SNX8: variants seen among roughly 807,000 people sequenced by gnomAD.
SNX8 encodes the protein sorting nexin-8.
Under a neutral mutation model 51.6 loss-of-function variants are expected in SNX8, and 25 were observed. That is an observed-to-expected ratio of 0.48 (90% CI 0.35 to 0.68). SNX8 has a LOEUF of 0.68. Among genes scored for constraint, SNX8 ranks in the 30% least tolerant of loss-of-function variants. The probability of loss-of-function intolerance (pLI) is 0.00; values close to 1 mark genes in which losing one functional copy is unlikely to be tolerated. For missense variants in SNX8, 695 were observed against 624.0 expected (o/e 1.11, Z -1.21); for synonymous variants, 324 against 277.0 (o/e 1.17, Z -1.68).
intron 1 of SNX8, among the ~76,000 whole-genome samples, chr7:2,328,901 T>C (rs544267360): frequency 1.2e-4 from 18 of 152,046 alleles, no homozygotes; most frequent in Admixed American, 5.2e-4. Flanking sequence ...CTGGCTAACA[T>C]GGTGAAACCC....
chr7:2,344,780 C>G lies in SNX8; in HGVS notation c.-66+9442G>C, dbSNP rs554447389. Among the ~76,000 whole-genome samples the G allele has an allele frequency of 7.2e-4, 109 of 151,184 alleles. 1 individual carries two copies. The highest frequency in any genetic ancestry group is 2.5e-3 in the African/African-American group (103 of 41,240). ...TACCAACAACACGAAAATTAGCCAG[C>G]TGGGCACGGCGGCTCACGCCTGTAA... is the stretch of plus-strand genomic sequence containing the variant. On this transcript the variant is annotated intron_variant, in intron 1 of 5. Transcript: ENST00000435336.
intron 1 of SNX8, among the ~76,000 whole-genome samples, chr7:2,348,209 T>A (rs1409423448): frequency 1.3e-5 from 2 of 152,134 alleles, no homozygotes; most frequent in Non-Finnish European, 2.9e-5. Flanking sequence ...CCAACTCGAA[T>A]TCTGTCCACA....
At position 2,350,791 on chromosome 7, in the gene SNX8, C is replaced by T. The variant is rs562912608; in HGVS notation, c.-66+3431G>A. Among the ~76,000 whole-genome samples the T allele has an allele frequency of 3.3e-4, 50 of 152,002 alleles. No homozygotes were observed. In the South Asian group the frequency reaches 8.3e-3, roughly 25 times the overall value. Reference sequence around the variant, plus strand: ...CCTCCTGAGTAGCTGGGATTACAGGCGCCTGCGGCCACACCCGGCTAAATT... The same window carrying T: ...CCTCCTGAGTAGCTGGGATTACAGGTGCCTGCGGCCACACCCGGCTAAATT... On this transcript the variant is annotated intron_variant, in intron 1 of 5. Coordinates refer to the SNX8 transcript ENST00000435336.
chr7:2,268,528 C>T (rs922791915), intron 5 of SNX8, among the ~76,000 whole-genome samples: 1,757 of 128,786 alleles, frequency 0.014, no homozygotes, highest in East Asian at 0.049. Flanking sequence ...CCCGGCCAGC[C>T]GTGCCATCCG....
chr7:2,303,954 A>G (rs1796478621), intron 1 of SNX8, among the ~76,000 whole-genome samples: 1 of 151,528 alleles, frequency 6.6e-6, no homozygotes, highest in African/African-American at 2.4e-5. Context: ...TCAATTAAAA[A>G]AATAATAATA....
chr7:2,324,907 GAGA>G (rs1778597496), intron 1 of SNX8, among the ~76,000 whole-genome samples: 1 of 152,192 alleles, frequency 6.6e-6, no homozygotes, highest in African/African-American at 2.4e-5. Context: ...CTGGGTACAA[GAGA>G]TCCTCCTTCC....
rs113204832 is a variant in SNX8 at position 2,263,483 on chromosome 7, C to T, written c.783-121G>A. 1,006 of 981,658 alleles carry T rather than the reference C, an allele frequency of 1.0e-3. 6 individuals carry two copies. In the African/African-American group the frequency reaches 0.013, roughly 13 times the overall value. 60.8% of individuals were successfully genotyped at this position (981,658 alleles called of 1,614,324 possible). A position where few individuals can be genotyped will look rare whatever the true frequency, so the allele number is the denominator to read the frequency against. ...CAACCTGCGTGACCCCGTCCTAGGA[C>T]CCTGCTGCTCAAAGAGTGGCCTGTG... On this transcript the variant is annotated intron_variant, in intron 6 of 10. Transcript: ENST00000222990.
intron 1 of SNX8, among the ~76,000 whole-genome samples, chr7:2,284,396 C>CTTTTTTTTTTTTT (rs751803296): frequency 2.2e-5 from 2 of 88,906 alleles, no homozygotes; most frequent in Non-Finnish European, 4.1e-5. Context: ...CTTTTATTTC[C>CTTTTTTTTTTTTT]TTTTTTTTTT....
chr7:2,294,409 C>T (rs1796225254), intron 1 of SNX8, among the ~76,000 whole-genome samples: 2 of 152,156 alleles, frequency 1.3e-5, no homozygotes, highest in Non-Finnish European at 2.9e-5. Flanking sequence ...AGCCCTCATA[C>T]AGTGCTGGTG....
chr7:2,276,030 A>G (rs1489938902), intron 2 of SNX8, among the ~76,000 whole-genome samples: 2 of 152,008 alleles, frequency 1.3e-5, no homozygotes, highest in African/African-American at 4.8e-5. Flanking sequence ...AAATGGTATG[A>G]AGCATAGTGG....
At chr7:2,326,246 T>A (rs1778619598) in intron 1 of SNX8, among the ~76,000 whole-genome samples, 1 of 152,090 alleles carries the variant, frequency 6.6e-6, no homozygotes, top group Non-Finnish European at 1.5e-5. Flanking sequence ...ATGTCTGTGA[T>A]CCTAGTTACT....
chr7:2,274,537 T>G (rs1382007467), intron 3 of SNX8, among the ~76,000 whole-genome samples: 1 of 152,242 alleles, frequency 6.6e-6, no homozygotes, highest in African/African-American at 2.4e-5. Context: ...GGAGCAGCTC[T>G]GAGGTCGTCT....
chr7:2,335,868 G>T (rs1250807654), intron 1 of SNX8, among the ~76,000 whole-genome samples: 1 of 147,192 alleles, frequency 6.8e-6, no homozygotes, highest in Non-Finnish European at 1.5e-5. Context: ...TCAGAAAAAT[G>T]AATGTTAATT....
chr7:2,266,164 T>G (rs1795458206), intron 5 of SNX8, among the ~76,000 whole-genome samples: 1 of 152,064 alleles, frequency 6.6e-6, no homozygotes, highest in Non-Finnish European at 1.5e-5. Context: ...AAGAAGCAGG[T>G]TTTTTTCTGG....
intron 3 of SNX8, among the ~76,000 whole-genome samples, chr7:2,272,842 A>G (rs892704523): frequency 8.7e-5 from 13 of 149,996 alleles, no homozygotes; most frequent in African/African-American, 3.2e-4. Flanking sequence ...GTATTTAAAT[A>G]CTTTTTTTGA....
intron 1 of SNX8, among the ~76,000 whole-genome samples, chr7:2,327,262 CAG>C (rs1489891924): frequency 6.6e-6 from 1 of 152,034 alleles, no homozygotes; most frequent in Non-Finnish European, 1.5e-5. Context: ...TGTTTTGAGA[CAG>C]AGTCTGGCTC....
chr7:2,314,508 G>T, upstream of SNX8: 3 of 1,053,772 alleles, frequency 2.8e-6, no homozygotes, highest in African/African-American at 2.1e-5. Context: ...CCCACACCCC[G>T]CCTGGTCACG....
chr7:2,322,485 A>T (rs958183258), intron 1 of SNX8, among the ~76,000 whole-genome samples: 3 of 152,060 alleles, frequency 2.0e-5, no homozygotes, highest in Non-Finnish European at 2.9e-5. Context: ...ACCTGAGGTC[A>T]GGGGTTCGAG....
intron 7 of SNX8, among the ~76,000 whole-genome samples, chr7:2,261,905 TC>T (rs1184694181): frequency 2.6e-5 from 4 of 152,186 alleles, no homozygotes; most frequent in Non-Finnish European, 5.9e-5. Flanking sequence ...ACTCAGGAGC[TC>T]CGGGGCTCAG....
Sources: allele counts gnomAD v4.1 joint callset (sites outside exome capture counted in the v4.1 genomes callset), GRCh38; gene constraint gnomAD v4.1.1; transcripts MANE v1.5; gene names NCBI Gene and HGNC (gene_info 2026-07-23, HGNC 2026-07-21).